The following SLC39A11 variants were observed in gnomAD, a reference collection of about 807,000 sequenced individuals.
SLC39A11 encodes the protein solute carrier family 39 member 11, also known as zinc transporter ZIP11.
SLC39A11 carries 33 observed loss-of-function variants against 36.1 expected under a neutral mutation model. That is an observed-to-expected ratio of 0.91 (90% CI 0.69 to 1.22). The LOEUF (loss-of-function observed/expected upper bound fraction) is 1.22, where lower values mean the gene tolerates loss of function less well. Among genes scored for constraint, SLC39A11 ranks in the 50% most tolerant of loss-of-function variants. The probability of loss-of-function intolerance (pLI) is 0.00; values close to 1 mark genes in which losing one functional copy is unlikely to be tolerated. For synonymous variants in SLC39A11, 166 were observed against 170.3 expected (o/e 0.97, Z 0.20); for missense variants, 432 against 430.3 (o/e 1.00, Z -0.03).
chr17:72,646,756 G>A lies in SLC39A11; in HGVS notation c.*828C>T, dbSNP rs1331331831. 1 of 152,498 alleles carries A rather than the reference G, an allele frequency of 6.6e-6. No homozygotes were observed. The allele number at this position is 152,498 out of a possible 1,614,324, so 9.4% of individuals were successfully genotyped here. A position where few individuals can be genotyped will look rare whatever the true frequency, so the allele number is the denominator to read the frequency against. On this transcript the variant is annotated 3_prime_UTR_variant, in exon 10 of 10. Transcript: ENST00000255559. ...TCTCCAAGTCTCTTAGAAACATGAT[G>A]GCTATAAACTTATCAAAATAAATGC...
chr17:72,891,582 C>G (rs1043520117), intron 5 of SLC39A11, among the ~76,000 whole-genome samples: 2 of 152,072 alleles, frequency 1.3e-5, no homozygotes, highest in Non-Finnish European at 2.9e-5. Flanking sequence ...GGTCCCTGCT[C>G]AATGCCTTTT....
chr17:72,702,678 T>C (rs1451235747), intron 7 of SLC39A11, among the ~76,000 whole-genome samples: 1 of 152,000 alleles, frequency 6.6e-6, no homozygotes, highest in Non-Finnish European at 1.5e-5. Context: ...GGCTCACAAA[T>C]GTAATCCCAA....
intron 3 of SLC39A11, chr17:73,067,933 G>A: frequency 1.9e-6 from 3 of 1,603,878 alleles, no homozygotes; most frequent in Non-Finnish European, 1.7e-6. Context: ...AACACTCAGA[G>A]AGAGTTCCAA....
chr17:72,896,835 G>A (rs1032956490), intron 5 of SLC39A11, among the ~76,000 whole-genome samples: 7 of 151,770 alleles, frequency 4.6e-5, no homozygotes. Flanking sequence ...CGGATCACCT[G>A]AGGTCTCAGG....
At chr17:72,733,185 G>A (rs898663918) in intron 7 of SLC39A11, among the ~76,000 whole-genome samples, 14 of 152,102 alleles carry the variant, frequency 9.2e-5, no homozygotes, top group Admixed American at 5.2e-4. Context: ...CACCTACCAC[G>A]GTGTCTTTGA....
At chr17:72,894,669 C>CA (rs10657098) in intron 5 of SLC39A11, among the ~76,000 whole-genome samples, 10,030 of 121,262 alleles carry the variant, frequency 0.083, 1,316 homozygotes, top group African/African-American at 0.27. Flanking sequence ...GACCCTGTCT[C>CA]AAAAAAAAAA....
chr17:72,797,659 C>T (rs1163255195), intron 6 of SLC39A11, among the ~76,000 whole-genome samples: 1 of 152,102 alleles, frequency 6.6e-6, no homozygotes, highest in Admixed American at 6.5e-5. Context: ...TCTAATACCC[C>T]ACTAACTCAC....
intron 5 of SLC39A11, among the ~76,000 whole-genome samples, chr17:72,855,493 C>T (rs556431394): frequency 3.3e-5 from 5 of 152,146 alleles, no homozygotes. Flanking sequence ...AGCATCAAAT[C>T]CCTGGAAAAA....
intron 5 of SLC39A11, among the ~76,000 whole-genome samples, chr17:72,872,235 C>T (rs972868057): frequency 2.6e-5 from 4 of 152,146 alleles, no homozygotes; most frequent in Non-Finnish European, 4.4e-5. Context: ...TTTACAGACC[C>T]TCTGGGGTGT....
At position 72,958,264 on chromosome 17, in the gene SLC39A11, G is replaced by A. The variant is rs550572504; in HGVS notation, c.307-10389C>T. 2.0e-5 allele frequency among the ~76,000 whole-genome samples: 3 copies of A among 152,322 alleles called. No individual in the cohort carries two copies. The East Asian group carries it at 5.8e-4, about 29-fold the overall frequency. On this transcript the variant is annotated intron_variant, in intron 4 of 9. Coordinates refer to ENST00000255559, the MANE Select transcript of SLC39A11 (RefSeq NM_139177.4). ...ATGTGAAACTATAAAAATTCTAGAA[G>A]ATAACATTGGAAAAACCCTTCTAGA... is the stretch of plus-strand genomic sequence containing the variant.
chr17:72,865,665 G>C (rs1408517159), intron 5 of SLC39A11, among the ~76,000 whole-genome samples: 1 of 151,912 alleles, frequency 6.6e-6, no homozygotes, highest in Admixed American at 6.6e-5. Context: ...ACGTTAAAAA[G>C]CTGAAAGGTC....
At chr17:73,040,502 G>A (rs902555172) in intron 3 of SLC39A11, among the ~76,000 whole-genome samples, 2 of 152,168 alleles carry the variant, frequency 1.3e-5, no homozygotes, top group Non-Finnish European at 2.9e-5. Flanking sequence ...AATAAAGTCT[G>A]GAGTTTAGGG....
chr17:72,903,511 C>A (rs1292701971), intron 5 of SLC39A11, among the ~76,000 whole-genome samples: 1 of 152,104 alleles, frequency 6.6e-6, no homozygotes, highest in African/African-American at 2.4e-5. Context: ...ATAGGTCCAG[C>A]CACTGTGACT....
intron 2 of SLC39A11, among the ~76,000 whole-genome samples, chr17:73,087,097 T>C (rs2060758131): frequency 6.6e-6 from 1 of 151,970 alleles, no homozygotes; most frequent in South Asian, 2.1e-4. Flanking sequence ...CCTGAAACTC[T>C]GTACTCATTC....
At chr17:73,067,668 T>A (rs189662272) in intron 3 of SLC39A11, among the ~76,000 whole-genome samples, 3 of 152,314 alleles carry the variant, frequency 2.0e-5, no homozygotes, top group Admixed American at 2.0e-4. Context: ...CCATCTTTTA[T>A]GATGACTGGC....
intron 3 of SLC39A11, among the ~76,000 whole-genome samples, chr17:73,037,685 T>C (rs1005110278): frequency 5.3e-5 from 8 of 152,218 alleles, no homozygotes; most frequent in Non-Finnish European, 8.8e-5. Context: ...TTTCCTCACC[T>C]TTGTCTATAA....
At chr17:73,001,548 A>T (rs1000771578) in intron 4 of SLC39A11, among the ~76,000 whole-genome samples, 5 of 151,420 alleles carry the variant, frequency 3.3e-5, no homozygotes, top group African/African-American at 1.2e-4. Flanking sequence ...ATGTACCCTA[A>T]AACTTAAAGT....
At chr17:73,025,343 GGA>G (rs1361204015) in intron 4 of SLC39A11, among the ~76,000 whole-genome samples, 2 of 152,122 alleles carry the variant, frequency 1.3e-5, no homozygotes, top group African/African-American at 4.8e-5. Context: ...ACATCTCCCA[GGA>G]AAAAGTCTGC....
intron 7 of SLC39A11, among the ~76,000 whole-genome samples, chr17:72,655,440 A>G (rs2070065745): frequency 6.6e-6 from 1 of 152,150 alleles, no homozygotes; most frequent in South Asian, 2.1e-4. Flanking sequence ...GCAAATGCCG[A>G]TGCCTCGGCC....
Sources: allele counts gnomAD v4.1 joint callset (sites outside exome capture counted in the v4.1 genomes callset), GRCh38; gene constraint gnomAD v4.1.1; transcripts MANE v1.5; gene names NCBI Gene and HGNC (gene_info 2026-07-23, HGNC 2026-07-21).